Variants in HDAC4 observed in about 807,000 individuals in gnomAD.
HDAC4 encodes histone deacetylase A.
HDAC4 carries 16 observed loss-of-function variants against 135.1 expected under a neutral mutation model. The ratio of observed to expected loss-of-function variants is 0.12; its 90% CI spans 0.08 to 0.18. The LOEUF is 0.18. Among genes scored for constraint, HDAC4 ranks in the 10% least tolerant of loss-of-function variants. The pLI is 1.00. For missense variants in HDAC4, 1,143 were observed against 1,511.8 expected (o/e 0.76, Z 4.05); for synonymous variants, 685 against 653.4 (o/e 1.05, Z -0.74).
intron 2 of HDAC4, among the ~76,000 whole-genome samples, chr2:239,348,395 G>T (rs1047609493): frequency 6.6e-6 from 1 of 152,236 alleles, no homozygotes; most frequent in Non-Finnish European, 1.5e-5. Context: ...AATGACACTG[G>T]AGGGACGGGG....
intron 15 of HDAC4, among the ~76,000 whole-genome samples, chr2:239,106,121 T>C (rs1200129113): frequency 6.6e-6 from 1 of 152,164 alleles, no homozygotes; most frequent in Non-Finnish European, 1.5e-5. Context: ...TGCCAGCCCC[T>C]GGCCCAGTCG....
intron 7 of HDAC4, among the ~76,000 whole-genome samples, chr2:239,147,776 T>G (rs2041860615): frequency 6.6e-6 from 1 of 152,268 alleles, no homozygotes; most frequent in Non-Finnish European, 1.5e-5. Flanking sequence ...TTGTTTCTCC[T>G]GAAGCCAATC....
At chr2:239,398,719 A>C (rs1696731027) in intron 1 of HDAC4, among the ~76,000 whole-genome samples, 1 of 152,160 alleles carries the variant, frequency 6.6e-6, no homozygotes, top group Admixed American at 6.5e-5. Context: ...TGCTGAACAC[A>C]GAACATTCTC....
chr2:239,275,442 G>A (rs140274773), intron 2 of HDAC4, among the ~76,000 whole-genome samples: 52 of 152,338 alleles, frequency 3.4e-4, no homozygotes, highest in African/African-American at 1.1e-3. Flanking sequence ...TACCGGAGGC[G>A]CTGTTGGTCG....
At chr2:239,057,018 G>A (rs1259011493) in intron 24 of HDAC4, among the ~76,000 whole-genome samples, 6 of 152,194 alleles carry the variant, frequency 3.9e-5, no homozygotes, top group South Asian at 2.1e-4. Context: ...GATCCTGGAC[G>A]GGACCCTAAA....
chr2:239,196,540 C>T (rs996221956), intron 3 of HDAC4, among the ~76,000 whole-genome samples: 11 of 152,304 alleles, frequency 7.2e-5, no homozygotes, highest in South Asian at 2.1e-4. Flanking sequence ...CGATGGTTCC[C>T]GGGACAGGAC....
At chr2:239,327,008 G>A (rs1016799442) in intron 2 of HDAC4, among the ~76,000 whole-genome samples, 8 of 152,212 alleles carry the variant, frequency 5.3e-5, no homozygotes, top group Admixed American at 2.0e-4. Context: ...CAGTCTGAAC[G>A]AGACCACATC....
In HDAC4 at chr2:239,102,887, C is replaced by T. The variant is rs1296663289; in HGVS notation, c.2122G>A (p.Gly708Arg). The T allele has an allele frequency of 2.5e-6, 4 of 1,613,710 alleles. No individual in the cohort carries two copies. Among genetic ancestry groups the T allele is most frequent in the East Asian group, 2.2e-5 (1 of 44,878 alleles). ...AGCTCCTCCAGGGTGGCCTTGCGTC[C>T]GCGGATGCACTGTGGGGACAGGCGA... ...GLRGKCECIR[G>R]RKATLEELQT... The change falls in exon 16 of 27, where the codon GGA becomes AGA. Residue 708 changes from glycine to arginine, a missense_variant. Physicochemically the swap from Gly to Arg is moderately radical, Grantham distance 125 (BLOSUM62 -2). Coordinates refer to ENST00000543185, the MANE Select transcript of HDAC4 (RefSeq NM_001378414.1).
intron 17 of HDAC4, among the ~76,000 whole-genome samples, 177 bp from the exon 18 acceptor site, chr2:239,090,293 A>C (rs2036387176): frequency 6.6e-6 from 1 of 152,236 alleles, no homozygotes; most frequent in African/African-American, 2.4e-5. Context: ...CATGCCAAAA[A>C]GTTTAAACAG....
chr2:239,132,811 G>A (rs1259474706), intron 11 of HDAC4, among the ~76,000 whole-genome samples: 1 of 152,226 alleles, frequency 6.6e-6, no homozygotes, highest in Non-Finnish European at 1.5e-5. Context: ...CTGACGAAGT[G>A]AATCCCAGGA....
chr2:239,079,841 TACAC>T (rs3838508), intron 22 of HDAC4, among the ~76,000 whole-genome samples: 46,284 of 151,742 alleles, frequency 0.31, 7,348 homozygotes, highest in Admixed American at 0.44. Context: ...CACAGCGATA[TACAC>T]ACAAAGACAT....
intron 2 of HDAC4, among the ~76,000 whole-genome samples, chr2:239,310,400 G>GA (rs1251414194): frequency 6.6e-6 from 1 of 152,120 alleles, no homozygotes; most frequent in Non-Finnish European, 1.5e-5. Flanking sequence ...GCTCCCCCCC[G>GA]AACCAAGTAT....
chr2:239,328,741 C>T lies in HDAC4; in HGVS notation c.22+23937G>A, dbSNP rs116498175. ...AAGGACTTTGTCGGGTGCAGCCATA[C>T]GCCTGACCTCTCGGGCGCCCGCTGG... On this transcript the variant is annotated intron_variant, in intron 2 of 26. Transcript: ENST00000543185. 2.3e-3 allele frequency among the ~76,000 whole-genome samples: 355 copies of T among 152,324 alleles called. 1 individual carries two copies. Among genetic ancestry groups the T allele is most frequent in the African/African-American group, 7.6e-3 (318 of 41,586 alleles).
chr2:239,162,841 G>A (rs1026634633), intron 6 of HDAC4, among the ~76,000 whole-genome samples: 2 of 152,096 alleles, frequency 1.3e-5, no homozygotes, highest in Non-Finnish European at 2.9e-5. Context: ...GGGGGATCGC[G>A]TCTGAGCTGT....
At chr2:239,121,612 G>A (rs1232754927) in intron 12 of HDAC4, among the ~76,000 whole-genome samples, 1 of 152,236 alleles carries the variant, frequency 6.6e-6, no homozygotes, top group East Asian at 1.9e-4. Flanking sequence ...CGAGGATGAA[G>A]CCTCTGAAGT....
chr2:239,113,040 A>G (rs1355897324), intron 13 of HDAC4, among the ~76,000 whole-genome samples: 1 of 152,120 alleles, frequency 6.6e-6, no homozygotes, highest in Non-Finnish European at 1.5e-5. Flanking sequence ...GCCTGGCCAA[A>G]ATGGTGAAAC....
chr2:239,118,520 C>T (rs1023729745), intron 12 of HDAC4, among the ~76,000 whole-genome samples: 1 of 152,144 alleles, frequency 6.6e-6, no homozygotes, highest in African/African-American at 2.4e-5. Flanking sequence ...AACGTGCTGT[C>T]CACGGGTGAG....
chr2:239,164,010 A>C, intron 5 of HDAC4, 87 bp from the exon 6 acceptor site: 1 of 1,543,312 alleles, frequency 6.5e-7, no homozygotes, highest in Non-Finnish European at 8.9e-7. Context: ...AGAGGGAGGG[A>C]AGGGCTGGGG....
At chr2:239,342,407 T>G (rs1373038470) in intron 2 of HDAC4, among the ~76,000 whole-genome samples, 2 of 152,178 alleles carry the variant, frequency 1.3e-5, no homozygotes, top group Non-Finnish European at 2.9e-5. Flanking sequence ...TGACCATCAC[T>G]AAATAATGAA....
Sources: gnomAD v4.1 joint callset for allele counts (sites outside exome capture counted in the v4.1 genomes callset) on GRCh38, gnomAD v4.1.1 for gene constraint, MANE v1.5 for transcripts, NCBI Gene and HGNC (gene_info 2026-07-23, HGNC 2026-07-21) for gene names.